Variants in ACER2 observed in about 807,000 individuals in gnomAD.
ACER2 encodes alkCDase 2.
In ACER2, 26 loss-of-function variants were observed where a neutral mutation model predicts 34.7. The observed-to-expected ratio is 0.75, with a 90% CI of 0.55 to 1.04. The LOEUF (loss-of-function observed/expected upper bound fraction) is 1.04, where lower values mean the gene tolerates loss of function less well. Among genes scored for constraint, ACER2 ranks in the 50% least tolerant of loss-of-function variants. ACER2 has a pLI of 0.00. For synonymous variants in ACER2, 138 were observed against 132.1 expected (o/e 1.04, Z -0.31); for missense variants, 352 against 340.8 (o/e 1.03, Z -0.26).
At chr9:19,413,632 G>A (rs1051731491) in intron 1 of ACER2, among the ~76,000 whole-genome samples, 10 of 151,530 alleles carry the variant, frequency 6.6e-5, no homozygotes, top group African/African-American at 2.2e-4. Flanking sequence ...AAATATTTAA[G>A]GCCCCAGTCA....
chr9:19,437,766 A>G (rs1311057240), intron 4 of ACER2, among the ~76,000 whole-genome samples: 2 of 152,076 alleles, frequency 1.3e-5, no homozygotes, highest in East Asian at 1.9e-4. Flanking sequence ...TGCAATGTGC[A>G]TCCTAGACAC....
At chr9:19,418,173 C>T (rs200762070) in intron 1 of ACER2, among the ~76,000 whole-genome samples, 24 of 152,028 alleles carry the variant, frequency 1.6e-4, no homozygotes, top group Admixed American at 3.9e-4. Flanking sequence ...GTTAGAATGG[C>T]GATCATTAAA....
At chr9:19,424,473 G>A in intron 2 of ACER2, 1 of 985,438 alleles carries the variant, frequency 1.0e-6, no homozygotes, top group Non-Finnish European at 1.2e-6. Context: ...CTGTGGAATT[G>A]TTAAAGTTCT....
At chr9:19,439,344 C>CTTTTTTTTTTTTTTTTTTTTTTTT in intron 4 of ACER2, among the ~76,000 whole-genome samples, 1 of 138,758 alleles carries the variant, frequency 7.2e-6, no homozygotes, top group African/African-American at 2.7e-5. Flanking sequence ...AAGGGGCTTG[C>CTTTTTTTTTTTTTTTTTTTTTTTT]TTTTTTTTTT....
intron 3 of ACER2, among the ~76,000 whole-genome samples, chr9:19,430,974 CA>C (rs1160713684): frequency 6.6e-6 from 1 of 150,916 alleles, no homozygotes; most frequent in Non-Finnish European, 1.5e-5. Context: ...AACAAAAAAA[CA>C]AAAAACCCAA....
intron 4 of ACER2, among the ~76,000 whole-genome samples, chr9:19,444,250 C>T (rs1831266078): frequency 6.8e-6 from 1 of 148,120 alleles, no homozygotes; most frequent in South Asian, 2.1e-4. Flanking sequence ...CTTGCTCTGT[C>T]CCCTGGGCTG....
chr9:19,428,777 T>C (rs1359438777), intron 3 of ACER2, among the ~76,000 whole-genome samples: 1 of 51,536 alleles, frequency 1.9e-5, no homozygotes, highest in African/African-American at 1.9e-4. Context: ...GACAAGTGGG[T>C]TTTTTTTTTT....
At chr9:19,426,399 T>C (rs573021265) in intron 3 of ACER2, among the ~76,000 whole-genome samples, 23 of 147,614 alleles carry the variant, frequency 1.6e-4, no homozygotes, top group Admixed American at 5.4e-4. Flanking sequence ...TCTCCTCCTT[T>C]CCCTTCCCCT....
intron 4 of ACER2, among the ~76,000 whole-genome samples, chr9:19,438,871 G>A (rs528065903): frequency 4.0e-5 from 6 of 151,628 alleles, no homozygotes; most frequent in Non-Finnish European, 7.4e-5. Context: ...TTGCATCTTC[G>A]AACTCCTGCA....
At chr9:19,421,802 GAAAC>G (rs1160792171) in intron 1 of ACER2, among the ~76,000 whole-genome samples, 30 of 151,986 alleles carry the variant, frequency 2.0e-4, no homozygotes, top group African/African-American at 6.5e-4. Flanking sequence ...TTGAGTCTGT[GAAAC>G]AAACAAACCC....
At chr9:19,445,167 TC>T (rs1831313195) in intron 4 of ACER2, among the ~76,000 whole-genome samples, 1 of 152,180 alleles carries the variant, frequency 6.6e-6, no homozygotes, top group South Asian at 2.1e-4. Flanking sequence ...CAGGTGTTCG[TC>T]CCCAGGGGTA....
chr9:19,422,904 C>T (rs1367754326), intron 1 of ACER2, among the ~76,000 whole-genome samples: 1 of 151,274 alleles, frequency 6.6e-6, no homozygotes, highest in Non-Finnish European at 1.5e-5. Context: ...TGGTGGTGAG[C>T]GCCTGTAATC....
At chr9:19,443,054 G>C (rs13439998) in intron 4 of ACER2, among the ~76,000 whole-genome samples, 1 of 151,372 alleles carries the variant, frequency 6.6e-6, no homozygotes, top group Admixed American at 6.6e-5. Context: ...TTTTTGAGAC[G>C]GAGTCTTGCT....
intron 1 of ACER2, among the ~76,000 whole-genome samples, chr9:19,416,840 A>G (rs1277009561): frequency 6.6e-6 from 1 of 152,200 alleles, no homozygotes; most frequent in African/African-American, 2.4e-5. Context: ...CGCCTAAGGG[A>G]TGGTTTTTAA....
At chr9:19,412,293 C>T (rs1353151389) in intron 1 of ACER2, among the ~76,000 whole-genome samples, 2 of 152,014 alleles carry the variant, frequency 1.3e-5, no homozygotes, top group East Asian at 3.9e-4. Context: ...GAAAAATAAC[C>T]TTCTGTATCT....
intron 3 of ACER2, among the ~76,000 whole-genome samples, chr9:19,430,169 C>T (rs533951350): frequency 6.8e-6 from 1 of 148,000 alleles, no homozygotes; most frequent in East Asian, 2.2e-4. Flanking sequence ...GTTTTCAAGT[C>T]TGAAAACAAA....
intron 3 of ACER2, among the ~76,000 whole-genome samples, chr9:19,432,544 A>G (rs1415014756): frequency 4.2e-5 from 6 of 144,376 alleles, no homozygotes; most frequent in Non-Finnish European, 9.0e-5. Context: ...CAAAACCTAT[A>G]TATATATGTG....
At chr9:19,423,756 G>T (rs1830478636) in intron 1 of ACER2, 106 bp from the exon 2 acceptor site, 1 of 822,176 alleles carries the variant, frequency 1.2e-6, no homozygotes, top group East Asian at 2.5e-5. Flanking sequence ...CGAGATGTGT[G>T]ACCACATTTA....
chr9:19,451,148 C>G lies in ACER2; in HGVS notation c.*512C>G, dbSNP rs1376293537. ...TGCGTCCTTAATGGCCATGGCAGAG[C>G]AGTCCCTTGGGGGATCCAGCCCTGT... On this transcript the variant is annotated 3_prime_UTR_variant, in exon 6 of 6. Coordinates refer to ENST00000340967, the MANE Select transcript of ACER2 (RefSeq NM_001010887.3). 3 of 153,030 alleles carry G rather than the reference C, an allele frequency of 2.0e-5. No individual in the cohort carries two copies. The highest frequency in any genetic ancestry group is 6.5e-5 in the Admixed American group (1 of 15,452). The allele number at this position is 153,030 out of a possible 1,614,324, so 9.5% of individuals were successfully genotyped here. A position where few individuals can be genotyped will look rare whatever the true frequency, so the allele number is the denominator to read the frequency against.
Sources: gnomAD v4.1 joint callset for allele counts (sites outside exome capture counted in the v4.1 genomes callset) on GRCh38, gnomAD v4.1.1 for gene constraint, MANE v1.5 for transcripts, NCBI Gene and HGNC (gene_info 2026-07-23, HGNC 2026-07-21) for gene names.